The following MDGA2 variants were observed in gnomAD, a reference collection of about 807,000 sequenced individuals.
The protein encoded by MDGA2 is MAM domain-containing glycosylphosphatidylinositol anchor protein 2.
A neutral mutation model predicts 117.8 loss-of-function variants in MDGA2; 40 were observed. The observed-to-expected ratio is 0.34, with a 90% confidence interval of 0.26 to 0.44. MDGA2 has a LOEUF of 0.44. Ranked by LOEUF, MDGA2 falls within the 20% of genes least tolerant of loss-of-function variation. The probability of loss-of-function intolerance (pLI) is 1.00; values close to 1 mark genes in which losing one functional copy is unlikely to be tolerated. For missense variants in MDGA2, 1,123 were observed against 1,250.6 expected, an observed-to-expected ratio of 0.90 and a Z score of 1.54; for synonymous variants, 452 against 439.0, an observed-to-expected ratio of 1.03 and a Z score of -0.37.
chr14:47,494,876 T>TTATATATATATATA (rs10627834), intron 1 of MDGA2, among the ~76,000 whole-genome samples: 7 of 141,020 alleles, frequency 5.0e-5, no homozygotes, highest in African/African-American at 1.1e-4. Flanking sequence ...TAAAATGTGA[T>TTATATATATATATA]TATATATATA....
chr14:47,611,208 C>A (rs1208592016), intron 1 of MDGA2, among the ~76,000 whole-genome samples: 1 of 152,022 alleles, frequency 6.6e-6, no homozygotes, highest in Non-Finnish European at 1.5e-5. Context: ...AAAATCACCT[C>A]AATATGGATT....
In MDGA2 at chr14:47,537,573, TTAAA is replaced by T. The variant is rs1376970782; in HGVS notation, c.280+136940_280+136943del. On this transcript the variant is annotated intron_variant, in intron 1 of 16. Transcript: ENST00000399232. ...ATTATCCACTGTTACCTTCTCTCTG[TTAAA>T]AAAAAAAAAAAAAAAAAAAAAAAAA... 7.9e-4 allele frequency among the ~76,000 whole-genome samples: 45 copies of T among 57,098 alleles called. 2 individuals are homozygous for T. Among genetic ancestry groups the T allele is most frequent in the African/African-American group, 2.4e-3 (42 of 17,174 alleles). 37.5% of individuals were successfully genotyped at this position (57,098 alleles called of 152,430 possible). A position where few individuals can be genotyped will look rare whatever the true frequency, so the allele number is the denominator to read the frequency against.
chr14:46,853,162 T>C (rs942136134), intron 15 of MDGA2, among the ~76,000 whole-genome samples: 11 of 151,878 alleles, frequency 7.2e-5, no homozygotes, highest in African/African-American at 2.2e-4. Flanking sequence ...AAAAATCCAA[T>C]GACTTAGATG....
At chr14:47,397,524 A>G (rs879787054) in intron 1 of MDGA2, among the ~76,000 whole-genome samples, 13 of 152,114 alleles carry the variant, frequency 8.5e-5, no homozygotes, top group Admixed American at 8.5e-4. Context: ...CAAACCCCAA[A>G]AAACTAAGAC....
intron 4 of MDGA2, among the ~76,000 whole-genome samples, chr14:47,142,185 T>C (rs1882749740): frequency 1.3e-5 from 2 of 152,190 alleles, no homozygotes; most frequent in South Asian, 2.1e-4. Flanking sequence ...GGCTCACACC[T>C]GTAATCCCAG....
chr14:47,085,160 C>A (rs1890851773), intron 6 of MDGA2, among the ~76,000 whole-genome samples: 1 of 150,006 alleles, frequency 6.7e-6, no homozygotes, highest in East Asian at 1.9e-4. Context: ...TAATAGTATA[C>A]CTAAAGGAAC....
chr14:47,261,309 T>C (rs570661727), intron 2 of MDGA2, among the ~76,000 whole-genome samples: 3 of 152,248 alleles, frequency 2.0e-5, no homozygotes, highest in African/African-American at 7.2e-5. Context: ...CTTTTACAAC[T>C]GCATGATCTC....
At chr14:47,229,341 T>C (rs796623446) in intron 2 of MDGA2, among the ~76,000 whole-genome samples, 10 of 152,218 alleles carry the variant, frequency 6.6e-5, no homozygotes, top group African/African-American at 2.4e-4. Context: ...GTGCTAAGAA[T>C]GGGTCCCTGA....
intron 7 of MDGA2, among the ~76,000 whole-genome samples, chr14:47,042,310 A>AT (rs1889097798): frequency 1.1e-5 from 1 of 94,908 alleles, no homozygotes; most frequent in African/African-American, 4.3e-5. Flanking sequence ...AACCAAATCT[A>AT]TGTTTTTTTT....
At chr14:47,578,284 G>A (rs1335169418) in intron 1 of MDGA2, among the ~76,000 whole-genome samples, 1 of 152,008 alleles carries the variant, frequency 6.6e-6, no homozygotes, top group Non-Finnish European at 1.5e-5. Flanking sequence ...GAGAGCATTA[G>A]GACAAATAGC....
intron 3 of MDGA2, among the ~76,000 whole-genome samples, chr14:47,159,146 A>G (rs1883528944): frequency 1.3e-5 from 2 of 152,176 alleles, no homozygotes; most frequent in African/African-American, 4.8e-5. Flanking sequence ...CCAAACCTAT[A>G]GAATTTACAA....
At chr14:47,513,218 TAGG>T (rs1894679541) in intron 1 of MDGA2, among the ~76,000 whole-genome samples, 1 of 152,166 alleles carries the variant, frequency 6.6e-6, no homozygotes, top group Non-Finnish European at 1.5e-5. Context: ...ACAAATTATA[TAGG>T]AGAAGTATTC....
At chr14:46,977,472 A>G (rs1886508808) in intron 8 of MDGA2, among the ~76,000 whole-genome samples, 1 of 151,962 alleles carries the variant, frequency 6.6e-6, no homozygotes, top group Non-Finnish European at 1.5e-5. Flanking sequence ...CAATTAGACA[A>G]TCTATTTTAT....
chr14:47,589,804 A>AT lies in MDGA2; in HGVS notation c.280+84712dup, dbSNP rs1296008134. On this transcript the variant is annotated intron_variant, in intron 1 of 16. Transcript: ENST00000399232. Reference sequence around the variant, plus strand: ...AAGTCTTCCAATCCACGAACACGAGATATTTTTCTATGTATTTAGGTATTC... The same window carrying AT: ...AAGTCTTCCAATCCACGAACACGAGATTATTTTTCTATGTATTTAGGTATTC... Among the ~76,000 whole-genome samples, 7 of 152,064 alleles carry AT rather than the reference A, an allele frequency of 4.6e-5. No individual in the cohort carries two copies. The East Asian group carries it at 7.7e-4, about 17-fold the overall frequency.
chr14:46,913,222 C>T (rs1475852437), intron 10 of MDGA2, among the ~76,000 whole-genome samples: 1 of 152,124 alleles, frequency 6.6e-6, no homozygotes, highest in Non-Finnish European at 1.5e-5. Flanking sequence ...TCAGTACATG[C>T]CCCAAATATG....
intron 1 of MDGA2, among the ~76,000 whole-genome samples, chr14:47,649,599 C>T (rs746069396): frequency 1.3e-5 from 2 of 152,004 alleles, no homozygotes; most frequent in Non-Finnish European, 1.5e-5. Context: ...ACACAAAAAT[C>T]GCTTGAACCT....
intron 1 of MDGA2, among the ~76,000 whole-genome samples, chr14:47,482,077 A>T (rs891476062): frequency 3.9e-5 from 6 of 152,024 alleles, no homozygotes; most frequent in African/African-American, 1.4e-4. Context: ...TTTTCCAGTT[A>T]GAATTTATCA....
At chr14:47,410,013 C>A (rs893645591) in intron 1 of MDGA2, among the ~76,000 whole-genome samples, 1 of 152,140 alleles carries the variant, frequency 6.6e-6, no homozygotes. Context: ...TCATTACAGG[C>A]TATGAGATTC....
At chr14:47,129,426 C>A (rs1424350114) in intron 5 of MDGA2, among the ~76,000 whole-genome samples, 8 of 151,850 alleles carry the variant, frequency 5.3e-5, no homozygotes, top group Middle Eastern at 6.8e-3. Flanking sequence ...TGAACTCATC[C>A]TTTTTTATGG....
Sources: gnomAD v4.1 joint callset for allele counts (sites outside exome capture counted in the v4.1 genomes callset) on GRCh38, gnomAD v4.1.1 for gene constraint, MANE v1.5 for transcripts, NCBI Gene and HGNC (gene_info 2026-07-23, HGNC 2026-07-21) for gene names.